Variants in BCL6 observed in about 807,000 individuals in gnomAD.
The protein encoded by BCL6 is BCL6 transcription repressor.
BCL6 carries 7 observed loss-of-function variants against 59.5 expected under a neutral mutation model. The ratio of observed to expected loss-of-function variants is 0.12; its 90% confidence interval spans 0.07 to 0.22. BCL6 has a LOEUF of 0.22. Among genes scored for constraint, BCL6 ranks in the 10% least tolerant of loss-of-function variants. BCL6 has a pLI of 1.00. For missense variants in BCL6, 685 were observed against 939.4 expected (o/e 0.73, Z 3.54); for synonymous variants, 339 against 349.7 (o/e 0.97, Z 0.34).
chr3:187,731,394 T>A (rs1260724821), intron 4 of BCL6, among the ~76,000 whole-genome samples: 4 of 151,764 alleles, frequency 2.6e-5, no homozygotes, highest in African/African-American at 9.7e-5. Context: ...GGAGGAAAAG[T>A]GTTAATCAGA....
At chr3:187,744,539 G>T (rs914788068) in intron 1 of BCL6, among the ~76,000 whole-genome samples, 1 of 152,138 alleles carries the variant, frequency 6.6e-6, no homozygotes, top group African/African-American at 2.4e-5. Context: ...AAAGGAAATA[G>T]TAGACACGAT....
intron 1 of BCL6, among the ~76,000 whole-genome samples, chr3:187,739,996 T>C (rs1408626549): frequency 6.6e-6 from 1 of 152,130 alleles, no homozygotes; most frequent in Non-Finnish European, 1.5e-5. Context: ...GAGGCGCGTT[T>C]CTCCGACGCG....
At chr3:187,739,095 G>T (rs1220600250) in intron 1 of BCL6, among the ~76,000 whole-genome samples, 1 of 152,122 alleles carries the variant, frequency 6.6e-6, no homozygotes, top group Non-Finnish European at 1.5e-5. Flanking sequence ...CCGATTTGGA[G>T]AATGCCTTCC....
rs148966710 is a variant in BCL6 at position 187,735,529 on chromosome 3, C to T, written c.-49-622G>A. Among the ~76,000 whole-genome samples the T allele has an allele frequency of 3.3e-4, 51 of 152,334 alleles. 1 individual carries two copies. In the East Asian group the frequency reaches 7.7e-3, roughly 23 times the overall value. On this transcript the variant is annotated intron_variant, in intron 1 of 9. Coordinates refer to ENST00000406870, the MANE Select transcript of BCL6 (RefSeq NM_001706.5). The stretch of plus-strand genomic sequence containing the variant: ...AACACAGCCTGAGATGTCATGTCTA[C>T]GTATTCCTTGAAAACCTTTGTCTTC...
chr3:187,745,302 A>C, intron 1 of BCL6, 108 bp downstream of exon 1: 1 of 399,350 alleles, frequency 2.5e-6, no homozygotes, highest in Non-Finnish European at 4.4e-6. Context: ...AAAAGAATTA[A>C]AAGGTAAAAT....
chr3:187,722,747 C>G, intron 9 of BCL6, 146 bp from the exon 10 acceptor site: 2 of 1,010,200 alleles, frequency 2.0e-6, no homozygotes, highest in Non-Finnish European at 2.8e-6. Flanking sequence ...CCATATGCAT[C>G]CGGGCTTCTG....
At chr3:187,745,033 T>G (rs1212603343) in intron 1 of BCL6, among the ~76,000 whole-genome samples, 1 of 149,622 alleles carries the variant, frequency 6.7e-6, no homozygotes. Flanking sequence ...CCCTCCTTCC[T>G]CTCCTCCACC....
intron 9 of BCL6, among the ~76,000 whole-genome samples, chr3:187,723,958 C>G (rs1225597357): frequency 6.6e-6 from 1 of 152,204 alleles, no homozygotes; most frequent in Non-Finnish European, 1.5e-5. Context: ...GAAGTAGATA[C>G]TATTTTCAAA....
rs149423140 is a variant in BCL6, at chr3:187,728,258, C to T, written c.1540+102G>A. 524 of 1,240,020 alleles carry T rather than the reference C, an allele frequency of 4.2e-4. 3 individuals are homozygous for T. In the African/African-American group the frequency reaches 7.5e-3, roughly 18 times the overall value. 76.8% of individuals were successfully genotyped at this position (1,240,020 alleles called of 1,614,324 possible). Reference sequence around the variant, plus strand: ...CCAGTGGACTTCCAATTGAGGACTGCTCCAATCAGAGACAACAGCATAAGT... The same window carrying T: ...CCAGTGGACTTCCAATTGAGGACTGTTCCAATCAGAGACAACAGCATAAGT... On this transcript the variant is annotated intron_variant, in intron 6 of 9. Transcript: ENST00000406870.
rs1344041493 is a variant in BCL6 at position 187,729,213 on chromosome 3, C to T, written c.1192G>A (p.Ala398Thr). 1 of 1,588,670 alleles carries T rather than the reference C, an allele frequency of 6.3e-7. No individual in the cohort carries two copies. The highest frequency in any genetic ancestry group is 2.3e-5 in the East Asian group (1 of 43,874). ...QNAKPEGPEQ[A>T]ELGRLSPRAY... ...CGTGGGGAAAGGCGGCCCAGCTCAG[C>T]CTGCTCAGGCCCCTCTGGTTTGGCA... is the stretch of plus-strand genomic sequence containing the variant. The change falls in exon 5 of 10, where the codon GCT becomes ACT. Residue 398 changes from alanine (A) to threonine (T), a missense_variant. By Grantham distance (58) the Ala-to-Thr change is moderately conservative. Transcript: ENST00000406870. The surrounding 1 kb of genome is among the most constrained non-coding windows in gnomAD (Gnocchi z 5.6).
At chr3:187,745,253 G>A (rs1711891585) in intron 1 of BCL6, among the ~76,000 whole-genome samples, 157 bp downstream of exon 1, 1 of 151,908 alleles carries the variant, frequency 6.6e-6, no homozygotes, top group African/African-American at 2.4e-5. Flanking sequence ...GATACACATA[G>A]AAAACTTGGA....
At chr3:187,732,279 T>C (rs77299262) in intron 3 of BCL6, 26,939 of 383,308 alleles carry the variant, frequency 0.07, 1,055 homozygotes, top group East Asian at 0.089. Context: ...TTAGCCCCTT[T>C]GCAGTAACTA....
At chr3:187,744,222 A>T (rs2108483104) in intron 1 of BCL6, among the ~76,000 whole-genome samples, 1 of 152,286 alleles carries the variant, frequency 6.6e-6, no homozygotes, top group African/African-American at 2.4e-5. Flanking sequence ...CAGCGGCCAG[A>T]AATCCCGCCA....
chr3:187,745,199 C>G (rs561233539), intron 1 of BCL6, among the ~76,000 whole-genome samples: 3 of 152,216 alleles, frequency 2.0e-5, no homozygotes, highest in African/African-American at 7.2e-5. Flanking sequence ...TTTATTTTAA[C>G]ACCTGACAGC....
rs375899366 is a variant in BCL6 at position 187,731,694 on chromosome 3, C to T, written c.383+15G>A. 44 of 1,612,470 alleles carry T rather than the reference C, an allele frequency of 2.7e-5. No homozygotes were observed. Among genetic ancestry groups the T allele is most frequent in the African/African-American group, 6.7e-5 (5 of 74,868 alleles). ...CTCTTCCATCTCCGACGCTTCCACC[C>T]GGGTAGCAACTCACCTGGCCTTAAT... is the stretch of plus-strand genomic sequence containing the variant. On this transcript the variant is annotated intron_variant, in intron 4 of 9. Transcript: ENST00000406870.
At chr3:187,741,847 A>G (rs183093886) in intron 1 of BCL6, among the ~76,000 whole-genome samples, 2 of 152,096 alleles carry the variant, frequency 1.3e-5, no homozygotes, top group Admixed American at 1.3e-4. Flanking sequence ...ACACCAAAAC[A>G]TCCCTCACTA....
At chr3:187,736,067 C>T (rs1404717652) in intron 1 of BCL6, 3 of 152,164 alleles carry the variant, frequency 2.0e-5, no homozygotes, top group Non-Finnish European at 4.4e-5. Context: ...CACTTTGCCC[C>T]ATTCCAGGCT....
At position 187,722,304 on chromosome 3, in the gene BCL6, G is replaced by GGGCCCCCCCCCCCCCCC; in HGVS notation, c.*153_*154insGGGGGGGGGGGGGGGCC. The GGGCCCCCCCCCCCCCCC allele has an allele frequency of 6.5e-6, 2 of 309,310 alleles. No homozygotes were observed. Among genetic ancestry groups the GGGCCCCCCCCCCCCCCC allele is most frequent in the African/African-American group, 2.2e-5 (1 of 44,642 alleles). 19.2% of individuals were successfully genotyped at this position (309,310 alleles called of 1,614,324 possible). On this transcript the variant is annotated 3_prime_UTR_variant, in exon 10 of 10. Coordinates refer to ENST00000406870, the MANE Select transcript of BCL6 (RefSeq NM_001706.5). ...GCTGCTGCGGCTCCCAGTCCCCCAG[G>GGGCCCCCCCCCCCCCCC]CCCCGACCCCCACCACCCCCAACCC...
Position 187,729,172 on chromosome 3 carries a change from T to A in BCL6, c.1233A>T (p.Pro411=), listed in dbSNP as rs768934920. Residue 411 remains proline (P), a synonymous_variant, in exon 5 of 10, where the codon CCA becomes CCT. Coordinates refer to ENST00000406870, the MANE Select transcript of BCL6 (RefSeq NM_001706.5). This position sits in a 1 kb window ranked among gnomAD's most constrained non-coding sequence, Gnocchi z 5.6. Reference sequence around the variant, plus strand: ...GCTCCATGGGTGGCTGGCAGGCAGGTGGGGCCGTGTAGGCTCGTGGGGAAA... The same window carrying A: ...GCTCCATGGGTGGCTGGCAGGCAGGAGGGGCCGTGTAGGCTCGTGGGGAAA... The part of the protein sequence containing the change: ...GRLSPRAYTA[P]PACQPPMEPE... The A allele has an allele frequency of 1.2e-6, 2 of 1,611,226 alleles. No individual in the cohort carries two copies. The highest frequency in any genetic ancestry group is 1.7e-5 in the Admixed American group (1 of 59,886).
Sources: allele counts gnomAD v4.1 joint callset (sites outside exome capture counted in the v4.1 genomes callset), GRCh38; gene constraint gnomAD v4.1.1; non-coding constraint Gnocchi (gnomAD v3.1); transcripts MANE v1.5; gene names NCBI Gene and HGNC (gene_info 2026-07-23, HGNC 2026-07-21).